The following ARHGAP32 variants were observed in gnomAD, a reference collection of about 807,000 sequenced individuals.
The protein encoded by ARHGAP32 is rho GTPase-activating protein 32.
ARHGAP32 carries 51 observed loss-of-function variants against 186.5 expected under a neutral mutation model. The ratio of observed to expected loss-of-function variants is 0.27; its 90% CI spans 0.22 to 0.35. ARHGAP32 has a LOEUF of 0.35. Ranked by LOEUF, ARHGAP32 falls within the 10% of genes least tolerant of loss-of-function variation. ARHGAP32 has a pLI of 1.00. For synonymous variants in ARHGAP32, 950 were observed against 964.3 expected, an observed-to-expected ratio of 0.99 and a Z score of 0.27; for missense variants, 2,186 against 2,623.5, an observed-to-expected ratio of 0.83 and a Z score of 3.64.
chr11:129,115,297 A>G (rs998873930), intron 5 of ARHGAP32, among the ~76,000 whole-genome samples: 2 of 152,134 alleles, frequency 1.3e-5, no homozygotes, highest in African/African-American at 2.4e-5. Context: ...TACATCTTAC[A>G]TGGTTAATAA....
At chr11:128,985,858 G>GTGTGTGTGTGTGTGTGTA (rs760311247) in intron 15 of ARHGAP32, 145 bp downstream of exon 15, 3 of 95,312 alleles carry the variant, frequency 3.1e-5, no homozygotes, top group Non-Finnish European at 5.8e-5. Context: ...GTGTGTGTGT[G>GTGTGTGTGTGTGTGTGTA]TATATATATA....
chr11:129,258,486 C>G (rs1179096891), intron 1 of ARHGAP32, among the ~76,000 whole-genome samples: 1 of 152,114 alleles, frequency 6.6e-6, no homozygotes, highest in Non-Finnish European at 1.5e-5. Context: ...CTTCTTCCAG[C>G]TCCGAGCTCC....
chr11:129,110,892 C>T (rs1942193953), intron 5 of ARHGAP32, among the ~76,000 whole-genome samples: 1 of 152,142 alleles, frequency 6.6e-6, no homozygotes, highest in Non-Finnish European at 1.5e-5. Flanking sequence ...ATTTAACTTC[C>T]TCTTTTCCAA....
intron 5 of ARHGAP32, among the ~76,000 whole-genome samples, chr11:129,122,642 T>C (rs1221958258): frequency 6.6e-6 from 1 of 152,112 alleles, no homozygotes; most frequent in Non-Finnish European, 1.5e-5. Flanking sequence ...ATAAATCCTA[T>C]AGATCAAATT....
chr11:129,117,083 C>T (rs1288001796), intron 5 of ARHGAP32, among the ~76,000 whole-genome samples: 3 of 151,986 alleles, frequency 2.0e-5, no homozygotes, highest in Non-Finnish European at 4.4e-5. Context: ...CCTTCAACTA[C>T]ATTAAAGATG....
intron 1 of ARHGAP32, among the ~76,000 whole-genome samples, chr11:129,218,325 C>T (rs1466064123): frequency 1.3e-5 from 2 of 152,120 alleles, no homozygotes; most frequent in African/African-American, 4.8e-5. Flanking sequence ...CTATACTTAA[C>T]ATTGTTTCTT....
intron 5 of ARHGAP32, among the ~76,000 whole-genome samples, chr11:129,106,938 C>G (rs544256356): frequency 6.6e-6 from 1 of 152,154 alleles, no homozygotes; most frequent in South Asian, 2.1e-4. Flanking sequence ...TGGCTGAAAT[C>G]ATTCCAAATT....
intron 5 of ARHGAP32, among the ~76,000 whole-genome samples, chr11:129,110,717 T>C (rs1044000314): frequency 9.2e-5 from 14 of 152,142 alleles, no homozygotes; most frequent in Admixed American, 7.9e-4. Context: ...TGCCTTCTTC[T>C]TTTCATTTTC....
intron 2 of ARHGAP32, among the ~76,000 whole-genome samples, chr11:129,144,841 T>C (rs533659171): frequency 1.4e-4 from 22 of 152,252 alleles, no homozygotes; most frequent in African/African-American, 5.3e-4. Context: ...CTAGAAAATA[T>C]CTCCTCAGAG....
chr11:129,118,665 C>T (rs1319381819), intron 5 of ARHGAP32, among the ~76,000 whole-genome samples: 3 of 152,080 alleles, frequency 2.0e-5, no homozygotes, highest in Admixed American at 6.6e-5. Context: ...GAACCAGTTT[C>T]AAAAGGTTTT....
intron 2 of ARHGAP32, among the ~76,000 whole-genome samples, chr11:129,156,220 C>G (rs1943403097): frequency 6.6e-6 from 1 of 152,108 alleles, no homozygotes; most frequent in South Asian, 2.1e-4. Context: ...CCCAGTGGCG[C>G]CTGGAATGCC....
intron 5 of ARHGAP32, among the ~76,000 whole-genome samples, chr11:129,099,232 G>T (rs1941821886): frequency 6.6e-6 from 1 of 152,112 alleles, no homozygotes; most frequent in Admixed American, 6.5e-5. Flanking sequence ...CAACATTTTG[G>T]TCAATGACAA....
chr11:128,993,838 C>T (rs1340700078), intron 12 of ARHGAP32, among the ~76,000 whole-genome samples: 5 of 151,766 alleles, frequency 3.3e-5, no homozygotes, highest in Admixed American at 6.6e-5. Context: ...ACCACATGCA[C>T]GTGCCACCAT....
At position 128,967,512 on chromosome 11, in the gene ARHGAP32, G is replaced by T. The variant is rs562266020; in HGVS notation, c.*1395C>A. The T allele has an allele frequency of 6.6e-6, 1 of 152,216 alleles. No homozygotes were observed. The highest frequency in any genetic ancestry group is 1.5e-5 in the Non-Finnish European group (1 of 68,052). 9.4% of individuals were successfully genotyped at this position (152,216 alleles called of 1,614,324 possible). A position where few individuals can be genotyped will look rare whatever the true frequency, so the allele number is the denominator to read the frequency against. On this transcript the variant is annotated 3_prime_UTR_variant, in exon 23 of 23. Coordinates refer to ENST00000682385, the MANE Select transcript of ARHGAP32 (RefSeq NM_001378024.1). ...GCTAGTCTGATGTATTTTGGGGGGTGGAGGGAGCTGAGAACATAGAATGGA... is the reference window on the plus strand; with the variant it reads ...GCTAGTCTGATGTATTTTGGGGGGTTGAGGGAGCTGAGAACATAGAATGGA...
rs114261711 is a variant in ARHGAP32 at position 129,090,732 on chromosome 11, A to G, written c.531+2889T>C. Among the ~76,000 whole-genome samples the G allele has an allele frequency of 6.5e-3, 994 of 152,280 alleles. 9 individuals carry two copies. The highest frequency in any genetic ancestry group is 0.023 in the African/African-American group (953 of 41,566). ...TATTTGCTAAAGAATAAAGCACTAA[A>G]AGACAGAATACTTTTAGGACCTGGT... is the stretch of plus-strand genomic sequence containing the variant. On this transcript the variant is annotated intron_variant, in intron 6 of 22. Coordinates refer to ENST00000682385, the MANE Select transcript of ARHGAP32 (RefSeq NM_001378024.1).
intron 11 of ARHGAP32, among the ~76,000 whole-genome samples, chr11:129,015,487 T>C (rs1028939761): frequency 2.0e-5 from 3 of 152,184 alleles, no homozygotes; most frequent in Non-Finnish European, 2.9e-5. Flanking sequence ...TTTCCTCAGA[T>C]TATTTTCCCT....
chr11:129,034,310 T>A (rs1034706243), intron 11 of ARHGAP32, among the ~76,000 whole-genome samples: 19 of 152,228 alleles, frequency 1.2e-4, no homozygotes, highest in African/African-American at 4.6e-4. Flanking sequence ...ACAGTTTTAT[T>A]AACTCTCTAA....
At chr11:129,183,881 T>C (rs995606371) in intron 1 of ARHGAP32, among the ~76,000 whole-genome samples, 16 of 152,068 alleles carry the variant, frequency 1.1e-4, no homozygotes, top group African/African-American at 3.9e-4. Flanking sequence ...AATCCTAGAC[T>C]GCATATATGT....
intron 11 of ARHGAP32, among the ~76,000 whole-genome samples, chr11:129,016,493 T>C (rs1306725841): frequency 6.6e-6 from 1 of 152,206 alleles, no homozygotes; most frequent in Non-Finnish European, 1.5e-5. Flanking sequence ...TATTCTGCCA[T>C]CTTTAATCGA....
Sources: gnomAD v4.1 joint callset for allele counts (sites outside exome capture counted in the v4.1 genomes callset) on GRCh38, gnomAD v4.1.1 for gene constraint, MANE v1.5 for transcripts, NCBI Gene and HGNC (gene_info 2026-07-23, HGNC 2026-07-21) for gene names.